Variants in EHMT2 observed in about 807,000 individuals in gnomAD.
EHMT2 encodes the protein euchromatic histone lysine methyltransferase 2.
Under a neutral mutation model 143.3 loss-of-function variants are expected in EHMT2, and 59 were observed. The observed-to-expected ratio is 0.41, with a 90% CI of 0.33 to 0.51. The LOEUF (loss-of-function observed/expected upper bound fraction) is 0.51. Among genes scored for constraint, EHMT2 ranks in the 20% least tolerant of loss-of-function variants. The pLI is 0.18. For synonymous variants in EHMT2, 604 were observed against 651.5 expected (o/e 0.93, Z 1.11); for missense variants, 1,174 against 1,645.9 (o/e 0.71, Z 4.96).
In EHMT2 at chr6:31,896,036, A is replaced by G. The variant is rs186160160; in HGVS notation, c.582+227T>C. The G allele has an allele frequency of 7.3e-4, 380 of 517,766 alleles. 1 individual carries two copies. The highest frequency in any genetic ancestry group is 1.1e-4 in the Non-Finnish European group (34 of 299,462). 32.1% of individuals were successfully genotyped at this position (517,766 alleles called of 1,614,324 possible). The stretch of plus-strand genomic sequence containing the variant: ...TAAGAGTAATTAAGACATTAACTAT[A>G]TAATTGACTCTTTAACATCAAACTT... On this transcript the variant is annotated intron_variant, in intron 4 of 27. Coordinates refer to ENST00000375537, the Ensembl canonical transcript of EHMT2.
Position 31,889,258 on chromosome 6 carries a change from G to A in EHMT2, c.1084C>T (p.Arg362Trp), listed in dbSNP as rs753618169. Residue 362 changes from arginine (R) to tryptophan (W), a missense_variant, in exon 9 of 28, where the codon CGG becomes TGG. Around this residue, in one of 6 missense-constraint regions of EHMT2, gnomAD observed 608 missense variants for 903.7 expected, o/e 0.67. Transcript: ENST00000375537. This position sits in a 1 kb window ranked among gnomAD's most constrained non-coding sequence, Gnocchi z 5.1. ...GGCTCCTTGGCCCGCGGAGGCTCCC[G>A]CTTGCGCCGTTTCCGAGACGGCTTC... 4 of 1,611,204 alleles carry A rather than the reference G, an allele frequency of 2.5e-6. No homozygotes were observed. Among genetic ancestry groups the A allele is most frequent in the South Asian group, 1.1e-5 (1 of 90,960 alleles).
Position 31,892,399 on chromosome 6 carries a change from T to C in EHMT2, c.864+8A>G. On this transcript the variant is annotated splice_region_variant and intron_variant, in intron 7 of 27. Transcript: ENST00000375537. ...ACCGGCGGGGAGGGCAGACCAGCTC[T>C]GTCTCACCTTGCTGTCGGAGTCCAC... 2 of 1,611,892 alleles carry C rather than the reference T, an allele frequency of 1.2e-6. No individual in the cohort carries two copies. The highest frequency in any genetic ancestry group is 1.1e-5 in the South Asian group (1 of 91,032).
rs1488123908 is a variant in EHMT2 at position 31,889,818 on chromosome 6, T to C, written c.865-216A>G. Among the ~76,000 whole-genome samples the C allele has an allele frequency of 1.3e-5, 2 of 152,186 alleles. No individual in the cohort carries two copies. The highest frequency in any genetic ancestry group is 2.9e-5 in the Non-Finnish European group (2 of 68,044). ...TTACAGACAGCAATGTGCACAGATC[T>C]TGGTAATGTGATATTAAGTTAAAAA... On this transcript the variant is annotated intron_variant, in intron 7 of 27. Transcript: ENST00000375537. This position sits in a 1 kb window ranked among gnomAD's most constrained non-coding sequence, Gnocchi z 5.1.
rs35009002 is a variant in EHMT2 at position 31,892,749 on chromosome 6, A to C, written c.668-15T>G. Reference sequence around the variant, plus strand: ...TTTGGCCAGATCTGGAAGAAGAGAGAGAATGGTGTGGGGCCTATCACCGAA... The same window carrying C: ...TTTGGCCAGATCTGGAAGAAGAGAGCGAATGGTGTGGGGCCTATCACCGAA... On this transcript the variant is annotated splice_polypyrimidine_tract_variant and intron_variant, in intron 5 of 27. Transcript: ENST00000375537. 37,102 of 1,612,956 alleles carry C rather than the reference A, an allele frequency of 0.023. 578 individuals are homozygous for C. The highest frequency in any genetic ancestry group is 0.025 in the African/African-American group (1,889 of 75,006).
rs749137663 is a variant in EHMT2, at chr6:31,884,428, C to T, written c.2735G>A (p.Gly912Glu). Residue 912 changes from glycine to glutamate, a missense_variant, in exon 21 of 28, where the codon GGA becomes GAA. This residue lies in a region of EHMT2 where 608 missense variants were observed against 903.7 expected (regional missense o/e 0.67). Transcript: ENST00000375537. This position sits in a 1 kb window ranked among gnomAD's most constrained non-coding sequence, Gnocchi z 7.3. ...CTTCTCTGTGCGGATGGCCCGATTT[C>T]CCACCCCAAGTCGGAGCTTGCGGTT... The T allele has an allele frequency of 2.5e-5, 41 of 1,612,660 alleles. No homozygotes were observed. Among genetic ancestry groups the T allele is most frequent in the Middle Eastern group, 1.6e-4 (1 of 6,084 alleles).
rs1295413975 is a variant in EHMT2, at chr6:31,888,286, G to C, written c.1510-10C>G. 1 of 1,612,642 alleles carries C rather than the reference G, an allele frequency of 6.2e-7. No individual in the cohort carries two copies. The highest frequency in any genetic ancestry group is 1.7e-5 in the Admixed American group (1 of 59,992). On this transcript the variant is annotated splice_polypyrimidine_tract_variant and intron_variant, in intron 12 of 27. Transcript: ENST00000375537. This position sits in a 1 kb window ranked among gnomAD's most constrained non-coding sequence, Gnocchi z 7.4. The stretch of plus-strand genomic sequence containing the variant: ...ACTCCAGGAAGGTGCCCTGGGAGCA[G>C]GGAAACGACATGGTCAGGTTACTGG...
intron 6 of EHMT2, 21 bp from the exon 7 acceptor site, chr6:31,892,583 T>C (rs1343393516): frequency 1.2e-6 from 2 of 1,612,518 alleles, no homozygotes; most frequent in Non-Finnish European, 1.7e-6. Flanking sequence ...ATCAGAAAAA[T>C]TGAGGCCACT....
intron 2 of EHMT2, 33 bp downstream of exon 2, chr6:31,896,890 G>A (rs201468672): frequency 2.5e-6 from 4 of 1,611,020 alleles, no homozygotes; most frequent in Non-Finnish European, 3.4e-6. Context: ...GGAAGGTGAC[G>A]GTCCAATTGG....
In EHMT2 at chr6:31,881,831, C is replaced by T. The variant is rs1443283928; in HGVS notation, c.3198-739G>A. On this transcript the variant is annotated intron_variant, in intron 25 of 27. Coordinates refer to ENST00000375537, the Ensembl canonical transcript of EHMT2. The surrounding 1 kb of genome is among the most constrained non-coding windows in gnomAD (Gnocchi z 4.8). ...TTAAAGGCCAAAGAATGGTCAGGCA[C>T]GGTGGCTCACGCCTGTAATCCCAGC... Among the ~76,000 whole-genome samples, 7 of 152,252 alleles carry T rather than the reference C, an allele frequency of 4.6e-5. No individual in the cohort carries two copies. In the East Asian group the frequency reaches 7.7e-4, roughly 17 times the overall value.
chr6:31,881,495 C>T lies in EHMT2; in HGVS notation c.3198-403G>A, dbSNP rs1362370870. ...GTGGCAAGGAACTCAAGGCATGATT[C>T]GGGGCAAGAGCACCCACACATATCT... On this transcript the variant is annotated intron_variant, in intron 25 of 27. Transcript: ENST00000375537. This position sits in a 1 kb window ranked among gnomAD's most constrained non-coding sequence, Gnocchi z 4.8. The T allele has an allele frequency of 2.4e-5, 7 of 289,530 alleles. No individual in the cohort carries two copies. Among genetic ancestry groups the T allele is most frequent in the Admixed American group, 4.2e-5 (1 of 23,710 alleles). The allele number at this position is 289,530 out of a possible 1,614,324, so 17.9% of individuals were successfully genotyped here.
At chr6:31,896,613 G>A (rs948439617) in exon 3 of EHMT2, 5 of 1,585,174 alleles carry the variant, frequency 3.2e-6, no homozygotes, top group Non-Finnish European at 4.3e-6. Flanking sequence ...CACCCAGCAG[G>A]ATCCGGCCCC....
intron 7 of EHMT2, 31 bp downstream of exon 7, chr6:31,892,376 C>T (rs368375853): frequency 2.7e-5 from 43 of 1,604,210 alleles, no homozygotes; most frequent in Middle Eastern, 1.7e-4. Context: ...GGGGGAGCAC[C>T]GGCGGGGAGG....
chr6:31,888,198 T>G lies in EHMT2; in HGVS notation c.1588A>C (p.Met530Leu). Reference sequence around the variant, plus strand: ...TCCCCACAGTGGGGACAGAAGACCATCCCATTCAGCTGAGACACACAGGCC... The same window carrying G: ...TCCCCACAGTGGGGACAGAAGACCAGCCCATTCAGCTGAGACACACAGGCC... The change falls in exon 13 of 28, where the codon ATG (methionine) becomes CTG (leucine). Residue 530 changes from methionine to leucine, a missense_variant. Physicochemically the swap from Met to Leu is conservative, Grantham distance 15 (BLOSUM62 2). This residue lies in a region of EHMT2 where 608 missense variants were observed against 903.7 expected (regional missense o/e 0.67). Transcript: ENST00000375537. This position sits in a 1 kb window ranked among gnomAD's most constrained non-coding sequence, Gnocchi z 7.4. 2 of 1,612,864 alleles carry G rather than the reference T, an allele frequency of 1.2e-6. No individual in the cohort carries two copies. The highest frequency in any genetic ancestry group is 1.7e-6 in the Non-Finnish European group (2 of 1,179,944).
exon 3 of EHMT2, chr6:31,896,750 C>T (rs777001287): frequency 2.5e-6 from 4 of 1,612,884 alleles, no homozygotes; most frequent in African/African-American, 2.7e-5. Flanking sequence ...GAGGGGCCAG[C>T]AGGCTCCAGG....
At chr6:31,893,435 A>G in intron 4 of EHMT2, 1 of 418,056 alleles carries the variant, frequency 2.4e-6, no homozygotes, top group Non-Finnish European at 4.8e-6. Context: ...CTCCTGCCTC[A>G]GCTTCCTGGG....
At chr6:31,882,902 A>G (rs773744934) in exon 24 of EHMT2, 2 of 1,612,728 alleles carry the variant, frequency 1.2e-6, no homozygotes, top group Non-Finnish European at 1.7e-6. Flanking sequence ...ACTTGATGCC[A>G]CTCTGTACGA....
At position 31,888,712 on chromosome 6, in the gene EHMT2, G is replaced by C; in HGVS notation, c.1252C>G (p.Arg418Gly). 6.2e-7 allele frequency: 1 copy of C among 1,613,646 alleles called. No individual in the cohort carries two copies. The highest frequency in any genetic ancestry group is 8.5e-7 in the Non-Finnish European group (1 of 1,180,010). Residue 418 changes from arginine (R) to glycine (G), a missense_variant, in exon 11 of 28, where the codon CGA (arginine) becomes GGA (glycine). By Grantham distance (125) the Arg-to-Gly change is moderately radical. Around this residue, in one of 6 missense-constraint regions of EHMT2, gnomAD observed 608 missense variants for 903.7 expected, o/e 0.67. Transcript: ENST00000375537. The surrounding 1 kb of genome is among the most constrained non-coding windows in gnomAD (Gnocchi z 7.4). ...CACAGGGGCAACTCCTCAAACCCTC[G>C]CTCTGTCTCCAGCGAAGATGTGTCA... is the stretch of plus-strand genomic sequence containing the variant.
intron 4 of EHMT2, 137 bp from the exon 5 acceptor site, chr6:31,893,047 G>C (rs549302942): frequency 4.3e-4 from 252 of 591,620 alleles, no homozygotes; most frequent in South Asian, 4.1e-4. Context: ...GCCACAAACT[G>C]GCAACCACGG....
Position 31,884,404 on chromosome 6 carries a change from T to A in EHMT2, c.2759A>T (p.Lys920Met). Reference sequence around the variant, plus strand: ...GCCCAGGGCTCACCGGCAGATGATCTTCTCTGTGCGGATGGCCCGATTTCC... The same window carrying A: ...GCCCAGGGCTCACCGGCAGATGATCATCTCTGTGCGGATGGCCCGATTTCC... Residue 920 changes from lysine (K) to methionine (M), a missense_variant, in exon 21 of 28, where the codon AAG becomes ATG. By Grantham distance (95) the Lys-to-Met change is moderately conservative. Around this residue, in one of 6 missense-constraint regions of EHMT2, gnomAD observed 608 missense variants for 903.7 expected, o/e 0.67. Coordinates refer to ENST00000375537, the Ensembl canonical transcript of EHMT2. This position sits in a 1 kb window ranked among gnomAD's most constrained non-coding sequence, Gnocchi z 7.3. The A allele has an allele frequency of 6.2e-7, 1 of 1,612,224 alleles. No homozygotes were observed. The highest frequency in any genetic ancestry group is 8.5e-7 in the Non-Finnish European group (1 of 1,179,864).
Sources: gnomAD v4.1 joint callset for allele counts (sites outside exome capture counted in the v4.1 genomes callset) on GRCh38, gnomAD v4.1.1 for gene constraint, gnomAD v4.1.1 regional missense constraint, Gnocchi (gnomAD v3.1) non-coding constraint, MANE v1.5 for transcripts, NCBI Gene and HGNC (gene_info 2026-07-23, HGNC 2026-07-21) for gene names.